The following ADAM9 variants were observed in gnomAD, a reference collection of about 807,000 sequenced individuals.
The protein encoded by ADAM9 is disintegrin and metalloproteinase domain-containing protein 9.
ADAM9 carries 54 observed loss-of-function variants against 108.1 expected under a neutral mutation model. The ratio of observed to expected loss-of-function variants is 0.50; its 90% CI spans 0.40 to 0.63. ADAM9 has a LOEUF of 0.63. Ranked by LOEUF, ADAM9 falls within the 20% of genes least tolerant of loss-of-function variation. ADAM9 has a pLI of 0.00. For missense variants in ADAM9, 830 were observed against 997.7 expected (o/e 0.83, Z 2.26); for synonymous variants, 316 against 336.0 (o/e 0.94, Z 0.65).
intron 14 of ADAM9, among the ~76,000 whole-genome samples, chr8:39,065,924 C>T (rs538744884): frequency 6.6e-6 from 1 of 152,160 alleles, no homozygotes; most frequent in East Asian, 1.9e-4. Flanking sequence ...ATGACAGGCC[C>T]CGGTGTGTGA....
chr8:39,029,537 C>T (rs1267321505), intron 11 of ADAM9, among the ~76,000 whole-genome samples: 1 of 152,092 alleles, frequency 6.6e-6, no homozygotes, highest in Non-Finnish European at 1.5e-5. Context: ...CATATATGGC[C>T]TTTATTATAT....
At position 39,023,360 on chromosome 8, in the gene ADAM9, TAATC is replaced by T. The variant is rs151106921; in HGVS notation, c.914+38_914+41del. ...TTTTTTTTAAGTACTATTAATGAAATAATCAAAATAATAATTTTTGCTTATTTTC... is the reference window on the plus strand; with the variant it reads ...TTTTTTTTAAGTACTATTAATGAAATAAAATAATAATTTTTGCTTATTTTC... On this transcript the variant is annotated intron_variant, in intron 9 of 21. Coordinates refer to ENST00000487273, the MANE Select transcript of ADAM9 (RefSeq NM_003816.3). 1,335 of 1,554,816 alleles carry T rather than the reference TAATC, an allele frequency of 8.6e-4. 8 individuals are homozygous for T. The African/African-American group carries it at 0.016, about 18-fold the overall frequency.
At chr8:39,045,560 G>A (rs373566021) in intron 12 of ADAM9, among the ~76,000 whole-genome samples, 2 of 68,434 alleles carry the variant, frequency 2.9e-5, no homozygotes, top group Admixed American at 3.0e-4. Context: ...GTGTGTATAT[G>A]TGTGTGTGTG....
chr8:39,014,563 T>C lies in ADAM9; in HGVS notation c.333+520T>C, dbSNP rs148107006. ...GAGCTGGCCAGAATACCCAAAATAA[T>C]TGGCAGATGTCAAATTTGGCTTTCT... is the stretch of plus-strand genomic sequence containing the variant. On this transcript the variant is annotated intron_variant, in intron 4 of 21. Transcript: ENST00000487273. The C allele has an allele frequency of 8.5e-6, 6 of 702,582 alleles. No homozygotes were observed. In the African/African-American group the frequency reaches 1.0e-4, roughly 12 times the overall value. 43.5% of individuals were successfully genotyped at this position (702,582 alleles called of 1,614,324 possible).
intron 2 of ADAM9, 80 bp downstream of exon 2, chr8:39,008,063 G>T: frequency 9.5e-7 from 1 of 1,057,160 alleles, no homozygotes; most frequent in Non-Finnish European, 1.4e-6. Context: ...ATTTGTAGCA[G>T]TGATCAGTTC....
At chr8:39,033,583 T>C (rs1241499583) in intron 11 of ADAM9, among the ~76,000 whole-genome samples, 1 of 151,974 alleles carries the variant, frequency 6.6e-6, no homozygotes, top group Non-Finnish European at 1.5e-5. Flanking sequence ...TATAATTATA[T>C]CACTTAATAT....
At chr8:39,014,716 A>G (rs1836469474) in intron 4 of ADAM9, 5 of 550,084 alleles carry the variant, frequency 9.1e-6, no homozygotes, top group Middle Eastern at 8.1e-4. Flanking sequence ...TTCCCATTAC[A>G]TGTGTATGTT....
At chr8:39,069,171 C>T (rs1326250363) in intron 14 of ADAM9, among the ~76,000 whole-genome samples, 14 of 152,020 alleles carry the variant, frequency 9.2e-5, no homozygotes, top group Admixed American at 9.2e-4. Flanking sequence ...TCATTTATTA[C>T]TTCACCAATT....
chr8:39,070,299 G>A (rs564011826), intron 14 of ADAM9, among the ~76,000 whole-genome samples: 1 of 152,134 alleles, frequency 6.6e-6, no homozygotes, highest in South Asian at 2.1e-4. Flanking sequence ...AACAGTGTTA[G>A]CAGTAAACAT....
At chr8:39,047,491 T>C (rs1261349683) in intron 12 of ADAM9, among the ~76,000 whole-genome samples, 3 of 152,218 alleles carry the variant, frequency 2.0e-5, no homozygotes, top group Non-Finnish European at 4.4e-5. Context: ...TATAGGTCTG[T>C]TCAGACTTAT....
chr8:39,093,322 C>T (rs1232960627), intron 20 of ADAM9, among the ~76,000 whole-genome samples: 1 of 151,798 alleles, frequency 6.6e-6, no homozygotes, highest in African/African-American at 2.4e-5. Flanking sequence ...AAATTTATTC[C>T]TATATTATTT....
chr8:39,038,291 C>T (rs753061320), intron 11 of ADAM9, among the ~76,000 whole-genome samples: 2 of 152,196 alleles, frequency 1.3e-5, no homozygotes, highest in Non-Finnish European at 2.9e-5. Flanking sequence ...TGGCCTATTC[C>T]TGTCTTTGCT....
intron 7 of ADAM9, among the ~76,000 whole-genome samples, chr8:39,020,110 C>G (rs1207682935): frequency 6.6e-6 from 1 of 152,144 alleles, no homozygotes; most frequent in Non-Finnish European, 1.5e-5. Context: ...ACGGTGAAAT[C>G]CCATCTCTCC....
intron 21 of ADAM9, 73 bp downstream of exon 21, chr8:39,102,003 T>C (rs1839713590): frequency 8.1e-7 from 1 of 1,233,280 alleles, no homozygotes; most frequent in Non-Finnish European, 1.2e-6. Context: ...ATTTCCCCTG[T>C]ATTTTAATGT....
At chr8:39,095,046 C>T (rs1839460454) in intron 20 of ADAM9, among the ~76,000 whole-genome samples, 1 of 152,054 alleles carries the variant, frequency 6.6e-6, no homozygotes, top group African/African-American at 2.4e-5. Context: ...TATAGACTTG[C>T]TATAAACTTC....
chr8:39,060,746 T>C (rs762757164), intron 14 of ADAM9, among the ~76,000 whole-genome samples: 14 of 152,222 alleles, frequency 9.2e-5, no homozygotes, highest in South Asian at 2.1e-4. Flanking sequence ...TAGTGTGATA[T>C]TTTGTGGAAG....
chr8:39,023,443 A>G, intron 9 of ADAM9, 118 bp downstream of exon 9: 1 of 1,104,196 alleles, frequency 9.1e-7, no homozygotes, highest in Non-Finnish European at 1.3e-6. Flanking sequence ...TAAATGAGGA[A>G]AACTTAGCTT....
Position 39,075,483 on chromosome 8 carries a change from C to T in ADAM9, c.1698-1745C>T, listed in dbSNP as rs975391106. Among the ~76,000 whole-genome samples, 9 of 152,134 alleles carry T rather than the reference C, an allele frequency of 5.9e-5. No individual in the cohort carries two copies. In the South Asian group the frequency reaches 1.7e-3, roughly 28 times the overall value. ...ATCCTTGCCTGAAGCAATTATTTTA[C>T]TGAGGGTTGTAACTGAATTTTGTTT... On this transcript the variant is annotated intron_variant, in intron 15 of 21. Transcript: ENST00000487273.
rs1838689243 is a variant in ADAM9, at chr8:39,071,485, T to A, written c.1697+82T>A. 4.2e-6 allele frequency: 4 copies of A among 952,268 alleles called. No homozygotes were observed. In the South Asian group the frequency reaches 5.8e-5, roughly 14 times the overall value. 59.0% of individuals were successfully genotyped at this position (952,268 alleles called of 1,614,324 possible). On this transcript the variant is annotated intron_variant, in intron 15 of 21. Transcript: ENST00000487273. ...AGTATCTTTTTTTTTTTTTTTTTTT[T>A]GAGACGGAGTCTTGCTCTGTTGCCA...
Sources: gnomAD v4.1 joint callset for allele counts (sites outside exome capture counted in the v4.1 genomes callset) on GRCh38, gnomAD v4.1.1 for gene constraint, MANE v1.5 for transcripts, NCBI Gene and HGNC (gene_info 2026-07-23, HGNC 2026-07-21) for gene names.